Variants in PHACTR2 observed in about 807,000 individuals in gnomAD.
PHACTR2 encodes the protein phosphatase and actin regulator 2.
PHACTR2 carries 30 observed loss-of-function variants against 76.0 expected under a neutral mutation model. That is an observed-to-expected ratio of 0.39 (90% confidence interval 0.30 to 0.54). The LOEUF is 0.54. PHACTR2 is among the 20% of genes least tolerant of loss of function. The probability of loss-of-function intolerance (pLI) is 0.61; values close to 1 mark genes in which losing one functional copy is unlikely to be tolerated. For missense variants in PHACTR2, 696 were observed against 781.1 expected, an observed-to-expected ratio of 0.89 and a Z score of 1.30; for synonymous variants, 292 against 292.5, an observed-to-expected ratio of 1.00 and a Z score of 0.02.
At chr6:143,576,279 C>T (rs1178629506) in intron 1 of PHACTR2, among the ~76,000 whole-genome samples, 1 of 152,184 alleles carries the variant, frequency 6.6e-6, no homozygotes, top group Non-Finnish European at 1.5e-5. Flanking sequence ...GCTCTCATGA[C>T]ATAGCTTTGG....
rs1318809580 is a variant in PHACTR2, at chr6:143,595,380, C to G, written c.217+58173C>G. On this transcript the variant is annotated intron_variant, in intron 1 of 11. Coordinates refer to the PHACTR2 transcript ENST00000367584. The surrounding 1 kb of genome is among the most constrained non-coding windows in gnomAD (Gnocchi z 4.2). ...AATGCAGGGATTTGGGCCACATTTACTTGGCTCCGGGGGAGTTTTTCAATC... is the reference window on the plus strand; with the variant it reads ...AATGCAGGGATTTGGGCCACATTTAGTTGGCTCCGGGGGAGTTTTTCAATC... Among the ~76,000 whole-genome samples, 2 of 152,210 alleles carry G rather than the reference C, an allele frequency of 1.3e-5. No individual in the cohort carries two copies. Among genetic ancestry groups the G allele is most frequent in the African/African-American group, 4.8e-5 (2 of 41,456 alleles).
At position 143,728,998 on chromosome 6, in the gene PHACTR2, A is replaced by T. The variant is rs12192220; in HGVS notation, c.214+16815A>T. ...AAAAGCACAAATTTGACTATATTAAACTATTAATAAAAAGTTTCTGCTCAG... is the reference window on the plus strand; with the variant it reads ...AAAAGCACAAATTTGACTATATTAATCTATTAATAAAAAGTTTCTGCTCAG... On this transcript the variant is annotated intron_variant, in intron 2 of 12. Coordinates refer to ENST00000440869, the MANE Select transcript of PHACTR2 (RefSeq NM_001100164.2). Among the ~76,000 whole-genome samples the T allele has an allele frequency of 3.2e-3, 488 of 152,296 alleles. 2 individuals are homozygous for T. The highest frequency in any genetic ancestry group is 5.1e-3 in the Non-Finnish European group (349 of 68,000).
intron 1 of PHACTR2, among the ~76,000 whole-genome samples, chr6:143,687,325 C>A (rs772611088): frequency 6.6e-6 from 1 of 152,120 alleles, no homozygotes; most frequent in African/African-American, 2.4e-5. Context: ...GGGAAGGAAA[C>A]AAGAATTGTA....
At chr6:143,651,690 G>T (rs776790895) in intron 1 of PHACTR2, among the ~76,000 whole-genome samples, 1 of 152,006 alleles carries the variant, frequency 6.6e-6, no homozygotes, top group African/African-American at 2.4e-5. Flanking sequence ...GGCCTGTTAG[G>T]GGGTGGGAGG....
At position 143,742,836 on chromosome 6, in the gene PHACTR2, A is replaced by G. The variant is rs923412369; in HGVS notation, c.215-6149A>G. ...CGACATCCCTCAGAAGGCTTAGACTAGAATCATGTGATTATGCAATCGCAT... is the reference window on the plus strand; with the variant it reads ...CGACATCCCTCAGAAGGCTTAGACTGGAATCATGTGATTATGCAATCGCAT... On this transcript the variant is annotated intron_variant, in intron 2 of 12. Transcript: ENST00000440869. The surrounding 1 kb of genome is among the most constrained non-coding windows in gnomAD (Gnocchi z 4.5). Among the ~76,000 whole-genome samples, 6 of 152,260 alleles carry G rather than the reference A, an allele frequency of 3.9e-5. No individual in the cohort carries two copies.
rs747725588 is a variant in PHACTR2, at chr6:143,700,653, G to A, written c.47-11363G>A. On this transcript the variant is annotated intron_variant, in intron 1 of 12. Transcript: ENST00000440869. The surrounding 1 kb of genome is among the most constrained non-coding windows in gnomAD (Gnocchi z 4.1). ...AAGGTCTACCAGCTTCTCCCCTAAAGTTCTGTGCTGACGCACATTCCCAGC... is the reference window on the plus strand; with the variant it reads ...AAGGTCTACCAGCTTCTCCCCTAAAATTCTGTGCTGACGCACATTCCCAGC... Among the ~76,000 whole-genome samples the A allele has an allele frequency of 1.3e-5, 2 of 152,250 alleles. No individual in the cohort carries two copies. The highest frequency in any genetic ancestry group is 4.8e-5 in the African/African-American group (2 of 41,466).
chr6:143,759,020 T>C (rs1345848723), intron 4 of PHACTR2, among the ~76,000 whole-genome samples: 5 of 152,202 alleles, frequency 3.3e-5, no homozygotes, highest in African/African-American at 1.2e-4. Context: ...CTTAACACTG[T>C]CTCAAGGTTT....
chr6:143,625,186 A>C lies in PHACTR2; in HGVS notation c.13+16864A>C, dbSNP rs964592166. ...CAAAAAAAAAAAGTATAGTCAAGGA[A>C]TATGGTGTTATGAATATTTGCTGAG... On this transcript the variant is annotated intron_variant, in intron 1 of 11. Transcript: ENST00000305766. This position sits in a 1 kb window ranked among gnomAD's most constrained non-coding sequence, Gnocchi z 4.3. 6.6e-6 allele frequency among the ~76,000 whole-genome samples: 1 copy of C among 152,034 alleles called. No homozygotes were observed. Among genetic ancestry groups the C allele is most frequent in the Non-Finnish European group, 1.5e-5 (1 of 68,006 alleles).
rs1192379585 is a variant in PHACTR2 at position 143,696,178 on chromosome 6, C to T, written c.47-15838C>T. ...TCAACCTTCTTGCTTAGTTTCTTTC[C>T]TTAATCCAGGGCATTTCTGCTATAG... On this transcript the variant is annotated intron_variant, in intron 1 of 12. Transcript: ENST00000440869. This position sits in a 1 kb window ranked among gnomAD's most constrained non-coding sequence, Gnocchi z 4.1. Among the ~76,000 whole-genome samples the T allele has an allele frequency of 6.6e-6, 1 of 152,148 alleles. No homozygotes were observed. The highest frequency in any genetic ancestry group is 1.5e-5 in the Non-Finnish European group (1 of 68,022).
rs1056023717 is a variant in PHACTR2 at position 143,689,918 on chromosome 6, G to T, written c.46+11709G>T. 6.6e-6 allele frequency among the ~76,000 whole-genome samples: 1 copy of T among 152,046 alleles called. No individual in the cohort carries two copies. The highest frequency in any genetic ancestry group is 2.4e-5 in the African/African-American group (1 of 41,430). On this transcript the variant is annotated intron_variant, in intron 1 of 12. Coordinates refer to ENST00000440869, the MANE Select transcript of PHACTR2 (RefSeq NM_001100164.2). This position sits in a 1 kb window ranked among gnomAD's most constrained non-coding sequence, Gnocchi z 4.4. Reference sequence around the variant, plus strand: ...AGGCTGGTCTTGGCAATCTGGTCTTGAACTTCTGAACTCAGGTGATACACC... The same window carrying T: ...AGGCTGGTCTTGGCAATCTGGTCTTTAACTTCTGAACTCAGGTGATACACC...
rs376253641 is a variant in PHACTR2 at position 143,767,648 on chromosome 6, G to A, written c.1232+1850G>A. 1.3e-5 allele frequency among the ~76,000 whole-genome samples: 2 copies of A among 152,128 alleles called. No homozygotes were observed. The highest frequency in any genetic ancestry group is 2.1e-4 in the South Asian group (1 of 4,828). The stretch of plus-strand genomic sequence containing the variant: ...GATCAAGGCAGCAGCATTTGGCAAG[G>A]ATCTTCTTTCCATGTCATCACATGG... On this transcript the variant is annotated intron_variant, in intron 6 of 12. Transcript: ENST00000440869. This position sits in a 1 kb window ranked among gnomAD's most constrained non-coding sequence, Gnocchi z 4.4.
In PHACTR2 at chr6:143,761,610, C is replaced by G. The variant is rs1205540177; in HGVS notation, c.694+970C>G. Among the ~76,000 whole-genome samples the G allele has an allele frequency of 6.6e-6, 1 of 152,044 alleles. No homozygotes were observed. Among genetic ancestry groups the G allele is most frequent in the Non-Finnish European group, 1.5e-5 (1 of 68,020 alleles). ...CTCTGCTAAAAATACAAGAATTAGC[C>G]AGGCGTCGTGGCGTGCACCTCTAAT... is the stretch of plus-strand genomic sequence containing the variant. On this transcript the variant is annotated intron_variant, in intron 5 of 12. Transcript: ENST00000440869. This position sits in a 1 kb window ranked among gnomAD's most constrained non-coding sequence, Gnocchi z 5.2.
rs749152815 is a variant in PHACTR2, at chr6:143,809,531, G to T, written c.1922+2398G>T. Among the ~76,000 whole-genome samples, 2 of 152,006 alleles carry T rather than the reference G, an allele frequency of 1.3e-5. No homozygotes were observed. Among genetic ancestry groups the T allele is most frequent in the Non-Finnish European group, 2.9e-5 (2 of 67,954 alleles). On this transcript the variant is annotated intron_variant, in intron 12 of 12. Coordinates refer to ENST00000440869, the MANE Select transcript of PHACTR2 (RefSeq NM_001100164.2). This position sits in a 1 kb window ranked among gnomAD's most constrained non-coding sequence, Gnocchi z 4.2. ...TGGCTTCTTTTTTATATATGTATTTGTATGTACAAAAATAATATATTCTAA... is the reference window on the plus strand; with the variant it reads ...TGGCTTCTTTTTTATATATGTATTTTTATGTACAAAAATAATATATTCTAA...
rs1211692454 is a variant in PHACTR2 at position 143,694,622 on chromosome 6, A to G, written c.46+16413A>G. On this transcript the variant is annotated intron_variant, in intron 1 of 12. Coordinates refer to ENST00000440869, the MANE Select transcript of PHACTR2 (RefSeq NM_001100164.2). ...ATGTGTTTGAAATCCGCAGGGTGAC[A>G]TGTCTCTTTTCAAAGAGCTGCTAAA... Among the ~76,000 whole-genome samples, 5 of 152,324 alleles carry G rather than the reference A, an allele frequency of 3.3e-5. No individual in the cohort carries two copies. The South Asian group carries it at 6.2e-4, about 19-fold the overall frequency.
intron 1 of PHACTR2, among the ~76,000 whole-genome samples, chr6:143,645,720 A>G (rs999652999): frequency 6.6e-6 from 1 of 152,226 alleles, no homozygotes; most frequent in Admixed American, 6.5e-5. Flanking sequence ...AAAGCAATGG[A>G]GAATAAATAA....
rs1779498641 is a variant in PHACTR2, at chr6:143,764,067, T to A, written c.695-1194T>A. On this transcript the variant is annotated intron_variant, in intron 5 of 12. Transcript: ENST00000440869. This position sits in a 1 kb window ranked among gnomAD's most constrained non-coding sequence, Gnocchi z 4.7. ...TAATCTTTTTGTTTTGAAACTGTTT[T>A]GATTGAGGGTGCCCTATCCGGAAGT... is the stretch of plus-strand genomic sequence containing the variant. 6.6e-6 allele frequency among the ~76,000 whole-genome samples: 1 copy of A among 152,254 alleles called. No homozygotes were observed. The highest frequency in any genetic ancestry group is 6.5e-5 in the Admixed American group (1 of 15,290).
chr6:143,783,403 A>G lies in PHACTR2; in HGVS notation c.1707+123A>G, dbSNP rs1775477914. ...AAATAATTATTCCTATTAGTCTATA[A>G]TCATAGACATCAAAATCACAAGCCT... On this transcript the variant is annotated intron_variant, in intron 10 of 12. Coordinates refer to ENST00000440869, the MANE Select transcript of PHACTR2 (RefSeq NM_001100164.2). The surrounding 1 kb of genome is among the most constrained non-coding windows in gnomAD (Gnocchi z 5.2). 1.8e-6 allele frequency: 1 copy of G among 554,322 alleles called. No homozygotes were observed. Among genetic ancestry groups the G allele is most frequent in the Admixed American group, 3.4e-5 (1 of 29,516 alleles). 34.3% of individuals were successfully genotyped at this position (554,322 alleles called of 1,614,324 possible). A position where few individuals can be genotyped will look rare whatever the true frequency, so the allele number is the denominator to read the frequency against.
chr6:143,544,626 A>G (rs912660269), intron 1 of PHACTR2, among the ~76,000 whole-genome samples: 1 of 152,232 alleles, frequency 6.6e-6, no homozygotes, highest in Non-Finnish European at 1.5e-5. Flanking sequence ...GCACCTTCGC[A>G]TGCTTCCATT....
At position 143,809,262 on chromosome 6, in the gene PHACTR2, GTTCT is replaced by G. The variant is rs1207905991; in HGVS notation, c.1922+2134_1922+2137del. On this transcript the variant is annotated intron_variant, in intron 12 of 12. Transcript: ENST00000440869. This position sits in a 1 kb window ranked among gnomAD's most constrained non-coding sequence, Gnocchi z 4.2. ...AAAATAAATATTTATACTAAAAGAGGTTCTTTCTGTTCTGTTGTACTCTATATGA... is the reference window on the plus strand; with the variant it reads ...AAAATAAATATTTATACTAAAAGAGGTTCTGTTCTGTTGTACTCTATATGA... Among the ~76,000 whole-genome samples the G allele has an allele frequency of 6.6e-6, 1 of 152,170 alleles. No individual in the cohort carries two copies. Among genetic ancestry groups the G allele is most frequent in the African/African-American group, 2.4e-5 (1 of 41,436 alleles).
Sources: allele counts gnomAD v4.1 joint callset (sites outside exome capture counted in the v4.1 genomes callset), GRCh38; gene constraint gnomAD v4.1.1; non-coding constraint Gnocchi (gnomAD v3.1); transcripts MANE v1.5; gene names NCBI Gene and HGNC (gene_info 2026-07-23, HGNC 2026-07-21).